Variants in RPS6KA2 observed in about 807,000 individuals in gnomAD.
RPS6KA2 encodes ribosomal protein S6 kinase A2, also known as ribosomal protein S6 kinase alpha-2.
A neutral mutation model predicts 91.8 loss-of-function variants in RPS6KA2; 42 were observed. The ratio of observed to expected loss-of-function variants is 0.46; its 90% confidence interval spans 0.36 to 0.59. The LOEUF (loss-of-function observed/expected upper bound fraction) is 0.59, where lower values mean the gene tolerates loss of function less well. RPS6KA2 is among the 20% of genes least tolerant of loss of function. The pLI, the probability that RPS6KA2 is intolerant of heterozygous loss-of-function variation, is 0.00. For missense variants in RPS6KA2, 798 were observed against 978.5 expected (o/e 0.82, Z 2.46); for synonymous variants, 414 against 393.6 (o/e 1.05, Z -0.61).
intron 1 of RPS6KA2, among the ~76,000 whole-genome samples, chr6:166,574,090 C>A (rs1201732679): frequency 1.3e-5 from 2 of 152,174 alleles, no homozygotes; most frequent in East Asian, 3.8e-4. Flanking sequence ...TGGCACCACT[C>A]CTTGCTCTTA....
chr6:166,632,152 C>T (rs1787099431), upstream of RPS6KA2, among the ~76,000 whole-genome samples: 3 of 152,174 alleles, frequency 2.0e-5, no homozygotes, highest in South Asian at 6.2e-4. Context: ...AGATCATGGA[C>T]ATTTGTCTCC....
In RPS6KA2 at chr6:166,770,208, T is replaced by C. The variant is rs1778429144; in HGVS notation, c.123+87992A>G. Among the ~76,000 whole-genome samples the C allele has an allele frequency of 6.6e-6, 1 of 152,224 alleles. No individual in the cohort carries two copies. Among genetic ancestry groups the C allele is most frequent in the Admixed American group, 6.5e-5 (1 of 15,292 alleles). On this transcript the variant is annotated intron_variant, in intron 2 of 21. Coordinates refer to the RPS6KA2 transcript ENST00000503859. This position sits in a 1 kb window ranked among gnomAD's most constrained non-coding sequence, Gnocchi z 5.1. ...CGACTTACTACATTTCACCTGAGTG[T>C]TGCAGCCCAAAGCATTGAAAACAGC...
chr6:166,675,809 T>G (rs1788604112), intron 2 of RPS6KA2, among the ~76,000 whole-genome samples: 1 of 152,224 alleles, frequency 6.6e-6, no homozygotes, highest in Admixed American at 6.5e-5. Flanking sequence ...TATTCCTTAT[T>G]TGTTTCATCC....
At chr6:166,471,071 T>A (rs1310496896) in intron 10 of RPS6KA2, among the ~76,000 whole-genome samples, 1 of 152,170 alleles carries the variant, frequency 6.6e-6, no homozygotes, top group Non-Finnish European at 1.5e-5. Context: ...TTCTGCAAGC[T>A]GTGTTCCTTT....
chr6:166,699,719 T>A (rs1210287108), intron 2 of RPS6KA2, among the ~76,000 whole-genome samples: 1 of 152,368 alleles, frequency 6.6e-6, no homozygotes, highest in Middle Eastern at 3.4e-3. Flanking sequence ...AAAGGTCATA[T>A]GTTTTCACAG....
intron 10 of RPS6KA2, among the ~76,000 whole-genome samples, chr6:166,479,550 G>A (rs1442809648): frequency 6.6e-6 from 1 of 152,232 alleles, no homozygotes; most frequent in East Asian, 1.9e-4. Flanking sequence ...TGGTGAGGTG[G>A]CAGCATGGTC....
At chr6:166,786,799 G>T (rs1380803198) in intron 2 of RPS6KA2, among the ~76,000 whole-genome samples, 2 of 152,130 alleles carry the variant, frequency 1.3e-5, no homozygotes, top group Non-Finnish European at 2.9e-5. Flanking sequence ...GTTTAGTTCA[G>T]GTGTTTTATG....
At chr6:166,851,136 C>G (rs768888869) in intron 2 of RPS6KA2, among the ~76,000 whole-genome samples, 11 of 152,208 alleles carry the variant, frequency 7.2e-5, no homozygotes, top group Non-Finnish European at 1.6e-4. Flanking sequence ...CTGCCCACTT[C>G]CCAGGGCTGA....
At chr6:166,692,662 G>A (rs1487252400) in intron 2 of RPS6KA2, among the ~76,000 whole-genome samples, 7 of 152,194 alleles carry the variant, frequency 4.6e-5, no homozygotes, top group South Asian at 2.1e-4. Context: ...AATGTCATCC[G>A]TTATTATGCC....
intron 2 of RPS6KA2, among the ~76,000 whole-genome samples, chr6:166,788,538 G>A (rs935616639): frequency 1.3e-5 from 2 of 152,174 alleles, no homozygotes; most frequent in African/African-American, 2.4e-5. Context: ...TCTTTGCAGG[G>A]ACATGGATGA....
intron 2 of RPS6KA2, among the ~76,000 whole-genome samples, chr6:166,851,908 T>G (rs1171921636): frequency 6.6e-6 from 1 of 152,246 alleles, no homozygotes; most frequent in East Asian, 1.9e-4. Flanking sequence ...TGTGGATTCT[T>G]GCAAATAATT....
At chr6:166,769,079 G>T (rs1004098447) in intron 2 of RPS6KA2, among the ~76,000 whole-genome samples, 4 of 152,230 alleles carry the variant, frequency 2.6e-5, no homozygotes, top group Middle Eastern at 3.4e-3. Context: ...GACTCTCCAA[G>T]GGCACCCACA....
At chr6:166,632,036 A>G (rs1477153814), upstream of RPS6KA2, among the ~76,000 whole-genome samples, 4 of 152,060 alleles carry the variant, frequency 2.6e-5, no homozygotes, top group Admixed American at 6.6e-5. Flanking sequence ...GGTGCCTTCA[A>G]CCTCCAGGAC....
rs541571982 is a variant in RPS6KA2, at chr6:166,744,584, C to T, written c.123+113616G>A. On this transcript the variant is annotated intron_variant, in intron 2 of 21. Transcript: ENST00000503859. ...CAGCAGGGCCCAGGCTGGAGAGCCG[C>T]GCACCCGTGCAGCAGGGCCCACCCT... is the stretch of plus-strand genomic sequence containing the variant. Among the ~76,000 whole-genome samples the T allele has an allele frequency of 2.3e-3, 353 of 152,228 alleles. 1 individual carries two copies. The highest frequency in any genetic ancestry group is 3.2e-3 in the Non-Finnish European group (217 of 67,990).
At chr6:166,517,196 CA>C (rs952359718) in intron 3 of RPS6KA2, among the ~76,000 whole-genome samples, 8 of 151,804 alleles carry the variant, frequency 5.3e-5, no homozygotes, top group African/African-American at 1.9e-4. Flanking sequence ...CAAAACAAAA[CA>C]AAAAAACACA....
intron 2 of RPS6KA2, among the ~76,000 whole-genome samples, chr6:166,712,772 G>A (rs113828943): frequency 3.9e-5 from 6 of 152,286 alleles, no homozygotes; most frequent in Admixed American, 1.3e-4. Flanking sequence ...CTGCCTTCCC[G>A]GCGCCCCCTT....
At chr6:166,724,067 T>C (rs1390074462) in intron 2 of RPS6KA2, among the ~76,000 whole-genome samples, 2 of 152,202 alleles carry the variant, frequency 1.3e-5, no homozygotes, top group African/African-American at 4.8e-5. Context: ...AAGTATAATC[T>C]ATTTTCAGGG....
intron 2 of RPS6KA2, among the ~76,000 whole-genome samples, chr6:166,655,977 A>G (rs1787988617): frequency 6.6e-6 from 1 of 152,210 alleles, no homozygotes; most frequent in African/African-American, 2.4e-5. Flanking sequence ...CAATGGTGGA[A>G]GGAACAGGCG....
chr6:166,613,773 G>A (rs889441151), intron 1 of RPS6KA2, among the ~76,000 whole-genome samples: 3 of 152,078 alleles, frequency 2.0e-5, no homozygotes, highest in Non-Finnish European at 4.4e-5. Context: ...GGACACAGTC[G>A]GGCTTTCCAC....
Sources: gnomAD v4.1 joint callset for allele counts (sites outside exome capture counted in the v4.1 genomes callset) on GRCh38, gnomAD v4.1.1 for gene constraint, Gnocchi (gnomAD v3.1) non-coding constraint, MANE v1.5 for transcripts, NCBI Gene and HGNC (gene_info 2026-07-23, HGNC 2026-07-21) for gene names.